Variants in CLCN1 observed in about 807,000 individuals in gnomAD.
The protein encoded by CLCN1 is chloride voltage-gated channel 1.
Under a neutral mutation model 114.5 loss-of-function variants are expected in CLCN1, and 100 were observed. The observed-to-expected ratio is 0.87, with a 90% CI of 0.74 to 1.03. The LOEUF (loss-of-function observed/expected upper bound fraction) is 1.03. CLCN1 is among the 50% of genes least tolerant of loss of function. The pLI, the probability that CLCN1 is intolerant of heterozygous loss-of-function variation, is 0.00. For synonymous variants in CLCN1, 485 were observed against 487.1 expected (o/e 1.00, Z 0.06); for missense variants, 1,188 against 1,250.0 (o/e 0.95, Z 0.75).
At position 143,332,726 on chromosome 7, in the gene CLCN1, G is replaced by C. The variant is rs1472138354; in HGVS notation, c.1254G>C (p.Leu418Phe). The change falls in exon 12 of 23, where the codon TTG becomes TTC. Residue 418 changes from leucine (L) to phenylalanine (F), a missense_variant and splice_region_variant. By Grantham distance (22) the Leu-to-Phe change is conservative. Coordinates refer to ENST00000343257, the MANE Select transcript of CLCN1 (RefSeq NM_000083.3). Reference sequence around the variant, plus strand: ...CTTTCTGCTTCTTCCTCTCCCAGTTGATGCCCCGCGAAGCCATCAGTACTT... The same window carrying C: ...CTTTCTGCTTCTTCCTCTCCCAGTTCATGCCCCGCGAAGCCATCAGTACTT... ...PGMGQFMAGE[L>F]MPREAISTLF... 2 of 1,614,006 alleles carry C rather than the reference G, an allele frequency of 1.2e-6. No homozygotes were observed. Among genetic ancestry groups the C allele is most frequent in the East Asian group, 4.5e-5 (2 of 44,878 alleles).
At chr7:143,323,279 A>AC in intron 5 of CLCN1, 30 bp from the exon 6 acceptor site, 1 of 1,269,110 alleles carries the variant, frequency 7.9e-7, no homozygotes. Flanking sequence ...CTGGCCTCTG[A>AC]CCCCCGCCCC....
At chr7:143,323,515 A>C (rs1802500118) in intron 6 of CLCN1, 129 bp downstream of exon 6, 1 of 757,228 alleles carries the variant, frequency 1.3e-6, no homozygotes. Flanking sequence ...GCACTAATCC[A>C]CGCTCCCTTC....
chr7:143,346,474 C>T (rs1803250440), intron 18 of CLCN1, 105 bp from the exon 19 acceptor site: 3 of 874,536 alleles, frequency 3.4e-6, no homozygotes, highest in Non-Finnish European at 5.8e-6. Context: ...GGTGAGGTAC[C>T]TGGGAAGTGC....
intron 17 of CLCN1, 129 bp downstream of exon 17, chr7:143,345,891 G>C (rs1803229889): frequency 7.5e-7 from 1 of 1,334,858 alleles, no homozygotes; most frequent in Admixed American, 2.1e-5. Flanking sequence ...AGGGAGGGGA[G>C]AGTCTGGTAA....
At chr7:143,318,977 A>G (rs1413839040) in intron 1 of CLCN1, among the ~76,000 whole-genome samples, 1 of 152,194 alleles carries the variant, frequency 6.6e-6, no homozygotes, top group Non-Finnish European at 1.5e-5. Flanking sequence ...CCCTGGCCCC[A>G]GAGGACAGTT....
Position 143,331,672 on chromosome 7 carries a change from T to C in CLCN1, c.1166+20T>C. On this transcript the variant is annotated intron_variant, in intron 10 of 22. Coordinates refer to ENST00000343257, the MANE Select transcript of CLCN1 (RefSeq NM_000083.3). ...TAAGCAGTGAGTCACTGCCCTTCTT[T>C]TGCCCTACCCATTTACTTTCTGGTT... 6.5e-7 allele frequency: 1 copy of C among 1,538,842 alleles called. No individual in the cohort carries two copies. Among genetic ancestry groups the C allele is most frequent in the Non-Finnish European group, 9.0e-7 (1 of 1,111,342 alleles).
intron 16 of CLCN1, among the ~76,000 whole-genome samples, chr7:143,345,294 C>G (rs1032517434): frequency 6.6e-6 from 1 of 152,132 alleles, no homozygotes; most frequent in Non-Finnish European, 1.5e-5. Context: ...CAAATTAGCC[C>G]AATTAGTGCT....
chr7:143,337,342 C>A (rs368511040), intron 12 of CLCN1, among the ~76,000 whole-genome samples: 1 of 152,312 alleles, frequency 6.6e-6, no homozygotes, highest in African/African-American at 2.4e-5. Flanking sequence ...GATTCTCAGT[C>A]TCTATTCTCT....
intron 2 of CLCN1, 91 bp downstream of exon 2, chr7:143,319,966 TCCCTG>T: frequency 1.5e-6 from 2 of 1,338,652 alleles, no homozygotes; most frequent in South Asian, 1.2e-5. Flanking sequence ...ACGTACGTAC[TCCCTG>T]CCCTGCTACA....
intron 7 of CLCN1, among the ~76,000 whole-genome samples, chr7:143,330,514 GT>G (rs1802693051): frequency 6.6e-6 from 1 of 152,138 alleles, no homozygotes; most frequent in Non-Finnish European, 1.5e-5. Flanking sequence ...TGGTCCTCAT[GT>G]TTTGGAGGTT....
intron 1 of CLCN1, among the ~76,000 whole-genome samples, chr7:143,317,244 C>CTTT (rs1207676166): frequency 1.9e-3 from 215 of 113,720 alleles, no homozygotes; most frequent in African/African-American, 2.9e-3. Context: ...TTGGCCAGAA[C>CTTT]TTTTTTTTTT....
In CLCN1 at chr7:143,321,787, T is replaced by G. The variant is rs201113768; in HGVS notation, c.635T>G (p.Phe212Cys). The G allele has an allele frequency of 8.7e-6, 14 of 1,614,130 alleles. No homozygotes were observed. The highest frequency in any genetic ancestry group is 3.3e-5 in the Admixed American group (2 of 60,010). ...AAGGAATACCTCACAATGAAAGCCT[T>G]TGTGGCCAAGGTTGTCGCCCTGACT... ...VLKEYLTMKAFVAKVVALTAG... is the reference protein window; with the variant it reads ...VLKEYLTMKACVAKVVALTAG... Residue 212 changes from phenylalanine to cysteine, a missense_variant, in exon 5 of 23, where the codon TTT (phenylalanine) becomes TGT (cysteine). Coordinates refer to ENST00000343257, the MANE Select transcript of CLCN1 (RefSeq NM_000083.3). This position sits in a 1 kb window ranked among gnomAD's most constrained non-coding sequence, Gnocchi z 4.2.
chr7:143,326,193 T>C (rs1802570938), intron 7 of CLCN1, among the ~76,000 whole-genome samples: 1 of 151,474 alleles, frequency 6.6e-6, no homozygotes, highest in African/African-American at 2.4e-5. Context: ...ATTTTTTGTA[T>C]TTTTAGTAGA....
In CLCN1 at chr7:143,350,417, G is replaced by T. The variant is rs763760683; in HGVS notation, c.2449G>T (p.Asp817Tyr). The T allele has an allele frequency of 6.2e-7, 1 of 1,614,190 alleles. No homozygotes were observed. The highest frequency in any genetic ancestry group is 1.1e-5 in the South Asian group (1 of 91,074). The change falls in exon 21 of 23, where the codon GAT (aspartate) becomes TAT (tyrosine). Residue 817 changes from aspartate (D) to tyrosine (Y), a missense_variant. By Grantham distance (160) the Asp-to-Tyr change is radical. Transcript: ENST00000343257. This position sits in a 1 kb window ranked among gnomAD's most constrained non-coding sequence, Gnocchi z 5.1. The part of the protein sequence containing the change: ...QEQLSQPVCF[D>Y]SCCIDQSPFQ... Reference sequence around the variant, plus strand: ...GCAGCTGAGCCAGCCTGTCTGTTTTGATTCCTGCTGTATTGACCAGTCTCC... The same window carrying T: ...GCAGCTGAGCCAGCCTGTCTGTTTTTATTCCTGCTGTATTGACCAGTCTCC...
In CLCN1 at chr7:143,321,455, G is replaced by A; in HGVS notation, c.524G>A (p.Ser175Asn). 1 of 1,614,090 alleles carries A rather than the reference G, an allele frequency of 6.2e-7. No individual in the cohort carries two copies. The highest frequency in any genetic ancestry group is 8.5e-7 in the Non-Finnish European group (1 of 1,180,016). ...TTCCCACTAGTCCTCATCCTCTTCA[G>A]CGCCCTCTTCTGCCACCTCATCTCT... ...VTFPLVLILF[S>N]ALFCHLISPQ... Residue 175 changes from serine (S) to asparagine (N), a missense_variant, in exon 4 of 23, where the codon AGC becomes AAC. Coordinates refer to ENST00000343257, the MANE Select transcript of CLCN1 (RefSeq NM_000083.3). This position sits in a 1 kb window ranked among gnomAD's most constrained non-coding sequence, Gnocchi z 4.2.
chr7:143,337,865 C>T (rs1194977560), intron 12 of CLCN1, among the ~76,000 whole-genome samples: 6 of 104,582 alleles, frequency 5.7e-5, no homozygotes, highest in East Asian at 3.1e-4. Flanking sequence ...CTCGCTCTGT[C>T]GCCCAGGCTG....
At position 143,346,652 on chromosome 7, in the gene CLCN1, A is replaced by C; in HGVS notation, c.2358A>C (p.Thr786=). The C allele has an allele frequency of 6.2e-7, 1 of 1,612,670 alleles. No homozygotes were observed. The highest frequency in any genetic ancestry group is 8.5e-7 in the Non-Finnish European group (1 of 1,179,046). The change falls in exon 19 of 23, where the codon ACA becomes ACC. Residue 786 remains threonine (T), a synonymous_variant. Transcript: ENST00000343257. ...LGRARPTKKK[T]TQDSTDLVDN... is the part of the protein sequence containing the mutation. ...GAGCTCGCCCCACAAAGAAGAAAAC[A>C]ACCCAGGTGAGAGGAGATGTGTTTG...
In CLCN1 at chr7:143,350,636, C is replaced by T. The variant is rs530181794; in HGVS notation, c.2577C>T (p.Gly859=). The T allele has an allele frequency of 1.2e-5, 19 of 1,613,932 alleles. No homozygotes were observed. Among genetic ancestry groups the T allele is most frequent in the East Asian group, 4.5e-5 (2 of 44,888 alleles). The stretch of plus-strand genomic sequence containing the variant: ...TGACCAGCATGGGGAAGCTCAGGGG[C>T]GTCCTGGCCCTGGAGGAGGTAATCA... ...AYVTSMGKLR[G]VLALEELQKA... is the part of the protein sequence containing the mutation. Residue 859 remains glycine (G), a synonymous_variant, in exon 22 of 23, where the codon GGC becomes GGT. Coordinates refer to ENST00000343257, the MANE Select transcript of CLCN1 (RefSeq NM_000083.3). The surrounding 1 kb of genome is among the most constrained non-coding windows in gnomAD (Gnocchi z 5.1).
intron 2 of CLCN1, among the ~76,000 whole-genome samples, chr7:143,320,275 C>T (rs547440739): frequency 1.5e-4 from 23 of 152,308 alleles, no homozygotes; most frequent in African/African-American, 4.3e-4. Context: ...ATGCTTGGCC[C>T]CTCTAAGTAT....
Sources: gnomAD v4.1 joint callset for allele counts (sites outside exome capture counted in the v4.1 genomes callset) on GRCh38, gnomAD v4.1.1 for gene constraint, Gnocchi (gnomAD v3.1) non-coding constraint, MANE v1.5 for transcripts, NCBI Gene and HGNC (gene_info 2026-07-23, HGNC 2026-07-21) for gene names.